ARHGEF7: variants seen among roughly 807,000 people sequenced by gnomAD.
ARHGEF7 encodes Rho guanine nucleotide exchange factor 7.
In ARHGEF7, 33 loss-of-function variants were observed where a neutral mutation model predicts 109.8. That is an observed-to-expected ratio of 0.30 (90% CI 0.23 to 0.40). The LOEUF (loss-of-function observed/expected upper bound fraction) is 0.40. ARHGEF7 is among the 10% of genes least tolerant of loss of function. ARHGEF7 has a pLI of 1.00. For missense variants in ARHGEF7, 938 were observed against 1,098.5 expected (o/e 0.85, Z 2.07); for synonymous variants, 458 against 424.6 (o/e 1.08, Z -0.97).
intron 2 of ARHGEF7, among the ~76,000 whole-genome samples, chr13:111,185,425 G>C (rs1050113814): frequency 1.3e-5 from 2 of 152,134 alleles, no homozygotes; most frequent in East Asian, 3.9e-4. Context: ...TTAATTTTTT[G>C]AAGCTTTTTC....
At chr13:111,242,487 G>A (rs1335930132) in intron 6 of ARHGEF7, among the ~76,000 whole-genome samples, 1 of 152,202 alleles carries the variant, frequency 6.6e-6, no homozygotes. Flanking sequence ...GTATGAATAA[G>A]TGAGAATGTA....
Position 111,266,148 on chromosome 13 carries a change from A to G in ARHGEF7, c.951-1400A>G, listed in dbSNP as rs1429145439. Among the ~76,000 whole-genome samples the G allele has an allele frequency of 2.0e-5, 3 of 152,112 alleles. No homozygotes were observed. The highest frequency in any genetic ancestry group is 2.1e-4 in the South Asian group (1 of 4,828). On this transcript the variant is annotated intron_variant, in intron 8 of 21. Coordinates refer to ENST00000646102, the MANE Select transcript of ARHGEF7 (RefSeq NM_001354046.2). This position sits in a 1 kb window ranked among gnomAD's most constrained non-coding sequence, Gnocchi z 4.8. ...CAAGTGCATGCCAGGCAGTTAATCC[A>G]TGTGAATGCTCACGGTTGACTCAGA...
chr13:111,289,484 G>A (rs773598022), intron 18 of ARHGEF7, among the ~76,000 whole-genome samples: 2 of 152,176 alleles, frequency 1.3e-5, no homozygotes, highest in African/African-American at 2.4e-5. Context: ...CTGGGGCCTC[G>A]GACACCACAG....
rs113293347 is a variant in ARHGEF7, at chr13:111,194,771, T to C, written c.253-10518T>C. 2.8e-3 allele frequency among the ~76,000 whole-genome samples: 423 copies of C among 152,318 alleles called. 3 individuals are homozygous for C. The highest frequency in any genetic ancestry group is 9.6e-3 in the African/African-American group (399 of 41,560). On this transcript the variant is annotated intron_variant, in intron 2 of 21. Transcript: ENST00000646102. ...ACAGGTGAGGGCTATCCCTAAACCC[T>C]TGGGCCAAGACTGTCCATGTAAGTT...
At chr13:111,256,455 C>T (rs771681819) in intron 8 of ARHGEF7, among the ~76,000 whole-genome samples, 8 of 152,208 alleles carry the variant, frequency 5.3e-5, no homozygotes, top group Non-Finnish European at 1.2e-4. Context: ...ATGGGCTCCA[C>T]CATCCCTGGT....
intron 8 of ARHGEF7, among the ~76,000 whole-genome samples, chr13:111,262,453 A>G (rs1053270490): frequency 1.3e-4 from 20 of 152,142 alleles, no homozygotes; most frequent in Non-Finnish European, 2.5e-4. Flanking sequence ...GAGTGGGAGC[A>G]GGAGGCTACT....
chr13:111,254,108 G>C (rs72653546), intron 8 of ARHGEF7, among the ~76,000 whole-genome samples: 17,065 of 152,232 alleles, frequency 0.11, 1,280 homozygotes, highest in Middle Eastern at 0.2. Flanking sequence ...GGGCAAGGTG[G>C]TGGTGAATTC....
chr13:111,260,724 T>G (rs1300703095), intron 8 of ARHGEF7, among the ~76,000 whole-genome samples: 1 of 152,184 alleles, frequency 6.6e-6, no homozygotes, highest in South Asian at 2.1e-4. Context: ...TATAACACTA[T>G]GTGTAAACTA....
At chr13:111,218,082 C>A (rs1230291074) in intron 5 of ARHGEF7, among the ~76,000 whole-genome samples, 3 of 152,220 alleles carry the variant, frequency 2.0e-5, no homozygotes, top group Non-Finnish European at 4.4e-5. Context: ...TACTAGCCAG[C>A]ATTTCCTTTC....
In ARHGEF7 at chr13:111,187,217, G is replaced by T. The variant is rs552490029; in HGVS notation, c.253-18072G>T. On this transcript the variant is annotated intron_variant, in intron 2 of 21. Transcript: ENST00000646102. ...ATGTGTGGGTTTGCCAGAATGCTGT[G>T]TCCGTTATTGTTGGCTCCTTGGACA... Among the ~76,000 whole-genome samples, 6 of 152,340 alleles carry T rather than the reference G, an allele frequency of 3.9e-5. No individual in the cohort carries two copies. The South Asian group carries it at 1.2e-3, about 32-fold the overall frequency.
At chr13:111,204,166 A>T (rs2081498439) in intron 2 of ARHGEF7, among the ~76,000 whole-genome samples, 1 of 152,092 alleles carries the variant, frequency 6.6e-6, no homozygotes, top group South Asian at 2.1e-4. Context: ...AAGGGAAGGG[A>T]CCGAAGGCAG....
intron 1 of ARHGEF7, among the ~76,000 whole-genome samples, chr13:111,130,949 G>A (rs1047348344): frequency 6.6e-6 from 1 of 152,262 alleles, no homozygotes; most frequent in Non-Finnish European, 1.5e-5. Context: ...GAAAGGCCTG[G>A]ATGGGTAGTG....
In ARHGEF7 at chr13:111,273,136, TG is replaced by T. The variant is rs1456112075; in HGVS notation, c.1074-677del. On this transcript the variant is annotated intron_variant, in intron 9 of 21. Transcript: ENST00000646102. This position sits in a 1 kb window ranked among gnomAD's most constrained non-coding sequence, Gnocchi z 4.5. ...TTCCTTACGTGTTGTGAGGATTGAA[TG>T]TAACAATGCTTTTGAAGTTCTAAAG... Among the ~76,000 whole-genome samples the T allele has an allele frequency of 6.6e-6, 1 of 152,214 alleles. No individual in the cohort carries two copies. The highest frequency in any genetic ancestry group is 1.5e-5 in the Non-Finnish European group (1 of 68,030).
rs998810349 is a variant in ARHGEF7, at chr13:111,228,106, C to T, written c.671-5099C>T. On this transcript the variant is annotated intron_variant, in intron 5 of 21. Coordinates refer to ENST00000646102, the MANE Select transcript of ARHGEF7 (RefSeq NM_001354046.2). This position sits in a 1 kb window ranked among gnomAD's most constrained non-coding sequence, Gnocchi z 4.6. ...TGTCCTGCACGGCACATGAGGTAAG[C>T]GTGCAGGTCTGTGCTCTCTGCTCTC... Among the ~76,000 whole-genome samples the T allele has an allele frequency of 6.6e-5, 10 of 152,166 alleles. No homozygotes were observed. Among genetic ancestry groups the T allele is most frequent in the Non-Finnish European group, 8.8e-5 (6 of 68,022 alleles).
chr13:111,184,924 C>CTGTT (rs2079098097), intron 2 of ARHGEF7: 1 of 152,250 alleles, frequency 6.6e-6, no homozygotes, highest in Non-Finnish European at 1.5e-5. Flanking sequence ...TTCTCTGCAC[C>CTGTT]TGTTTCCTGT....
At position 111,217,764 on chromosome 13, in the gene ARHGEF7, C is replaced by T. The variant is rs534618453; in HGVS notation, c.554C>T (p.Ser185Leu). ...QQTNEDELSF[S>L]KGDVIHVTRV... ...ACCAATGAGGACGAGCTTTCCTTCT[C>T]AAAAGGAGACGTCATCCATGTCACC... Residue 185 changes from serine to leucine, a missense_variant, in exon 5 of 22, where the codon TCA becomes TTA. Around this residue, in one of 4 missense-constraint regions of ARHGEF7, gnomAD observed 585 missense variants for 723.6 expected, o/e 0.81. Coordinates refer to ENST00000646102, the MANE Select transcript of ARHGEF7 (RefSeq NM_001354046.2). The T allele has an allele frequency of 6.8e-5, 109 of 1,614,092 alleles. 1 individual carries two copies. The highest frequency in any genetic ancestry group is 8.9e-5 in the Non-Finnish European group (105 of 1,180,032).
intron 19 of ARHGEF7, chr13:111,293,655 GT>G: frequency 2.0e-6 from 2 of 985,396 alleles, no homozygotes; most frequent in Non-Finnish European, 1.2e-6. Context: ...TTACGGTTGT[GT>G]TTTAAGTATT....
chr13:111,297,547 G>T (rs964309452), intron 19 of ARHGEF7, among the ~76,000 whole-genome samples: 2 of 152,188 alleles, frequency 1.3e-5, no homozygotes, highest in African/African-American at 4.8e-5. Context: ...TCTGTTAAAA[G>T]ATATTTACAA....
In ARHGEF7 at chr13:111,280,285, C is replaced by T. The variant is rs1221177152; in HGVS notation, c.1520C>T (p.Thr507Met). The change falls in exon 14 of 22, where the codon ACG (threonine) becomes ATG (methionine). Residue 507 changes from threonine (T) to methionine (M), a missense_variant. Coordinates refer to ENST00000646102, the MANE Select transcript of ARHGEF7 (RefSeq NM_001354046.2). ...SGFIYQGKLPTTGMTITKLED... is the reference protein window; with the variant it reads ...SGFIYQGKLPMTGMTITKLED... ...GGTCTTTTTTAGGGAAAGCTTCCAA[C>T]GACAGGAATGACAATCACAAAGCTT... The T allele has an allele frequency of 2.5e-6, 4 of 1,607,422 alleles. No individual in the cohort carries two copies. The highest frequency in any genetic ancestry group is 1.7e-5 in the Admixed American group (1 of 59,374).
Sources: gnomAD v4.1 joint callset for allele counts (sites outside exome capture counted in the v4.1 genomes callset) on GRCh38, gnomAD v4.1.1 for gene constraint, gnomAD v4.1.1 regional missense constraint, Gnocchi (gnomAD v3.1) non-coding constraint, MANE v1.5 for transcripts, NCBI Gene and HGNC (gene_info 2026-07-23, HGNC 2026-07-21) for gene names.